Variants in CLVS1 observed in about 807,000 individuals in gnomAD.
CLVS1 encodes the protein clavesin 1, also known as clavesin-1.
CLVS1 carries 10 observed loss-of-function variants against 33.1 expected under a neutral mutation model. That is an observed-to-expected ratio of 0.30 (90% confidence interval 0.19 to 0.51). CLVS1 has a LOEUF of 0.51. Among genes scored for constraint, CLVS1 ranks in the 20% least tolerant of loss-of-function variants. CLVS1 has a pLI of 0.97. For missense variants in CLVS1, 343 were observed against 433.4 expected (o/e 0.79, Z 1.85); for synonymous variants, 163 against 166.1 (o/e 0.98, Z 0.14).
intron 5 of CLVS1, 91 bp from the exon 6 acceptor site, chr8:61,499,364 G>T: frequency 5.5e-6 from 3 of 541,576 alleles, no homozygotes; most frequent in Non-Finnish European, 9.7e-6. Context: ...CTATTAAAAA[G>T]AGAAATATAA....
chr8:61,334,422 C>T (rs774745643), intron 2 of CLVS1, among the ~76,000 whole-genome samples: 4 of 152,174 alleles, frequency 2.6e-5, no homozygotes, highest in African/African-American at 4.8e-5. Flanking sequence ...GCAAGAGGGC[C>T]TCTGTGTCTT....
intron 3 of CLVS1, among the ~76,000 whole-genome samples, chr8:61,382,053 C>T (rs539545989): frequency 2.0e-4 from 30 of 152,252 alleles, no homozygotes; most frequent in African/African-American, 6.5e-4. Flanking sequence ...CTCTGGCTTC[C>T]TTCCCACAGC....
At chr8:61,256,289 C>T (rs1384113548) in intron 2 of CLVS1, among the ~76,000 whole-genome samples, 2 of 152,276 alleles carry the variant, frequency 1.3e-5, no homozygotes, top group Non-Finnish European at 2.9e-5. Context: ...CCGAAGCGGG[C>T]AGATCACGAT....
At chr8:61,437,913 A>T (rs1816396280) in intron 3 of CLVS1, among the ~76,000 whole-genome samples, 1 of 152,246 alleles carries the variant, frequency 6.6e-6, no homozygotes, top group South Asian at 2.1e-4. Context: ...AATAGTACAG[A>T]AATATAGTAG....
At chr8:61,134,489 T>A (rs553409387) in intron 2 of CLVS1, among the ~76,000 whole-genome samples, 32 of 152,336 alleles carry the variant, frequency 2.1e-4, no homozygotes, top group Non-Finnish European at 4.3e-4. Context: ...TTTTATGAAA[T>A]CCAAATGTCA....
intron 3 of CLVS1, among the ~76,000 whole-genome samples, chr8:61,448,062 A>T (rs1490767907): frequency 6.6e-6 from 1 of 152,068 alleles, no homozygotes; most frequent in Non-Finnish European, 1.5e-5. Context: ...GTACCTGAAA[A>T]ATATTTTACA....
intron 2 of CLVS1, among the ~76,000 whole-genome samples, chr8:61,357,501 T>TTTTTTTTTTTTTTTTC (rs1812781393): frequency 1.0e-5 from 1 of 99,296 alleles, no homozygotes; most frequent in Admixed American, 1.1e-4. Context: ...TTTCTTTTTT[T>TTTTTTTTTTTTTTTTC]TTTTTTTTTT....
At chr8:61,261,695 C>T (rs896375387) in intron 2 of CLVS1, among the ~76,000 whole-genome samples, 7 of 152,090 alleles carry the variant, frequency 4.6e-5, no homozygotes, top group African/African-American at 1.7e-4. Context: ...TGTTAGAAAC[C>T]AGTTAGAAGG....
At chr8:61,013,239 G>A in the CLVS1 span, among the ~76,000 whole-genome samples, 2 of 152,164 alleles carry the variant, frequency 1.3e-5, no homozygotes, top group African/African-American at 4.8e-5. Context: ...ACGTTCCTGA[G>A]CCCCAACACA....
At chr8:61,213,852 T>C (rs1251312799) in intron 2 of CLVS1, among the ~76,000 whole-genome samples, 1 of 152,072 alleles carries the variant, frequency 6.6e-6, no homozygotes, top group Non-Finnish European at 1.5e-5. Context: ...GTGAGCCGGG[T>C]GGAACAGAGC....
rs572236352 is a variant in CLVS1, at chr8:61,075,221, G to A, written c.-243+17991G>A. Reference sequence around the variant, plus strand: ...GACGGTGGCAGGTGGCTATTTTCACGTAGCAGTCAGCAGCAAATGAAAGAG... The same window carrying A: ...GACGGTGGCAGGTGGCTATTTTCACATAGCAGTCAGCAGCAAATGAAAGAG... On this transcript the variant is annotated intron_variant, in intron 1 of 2. Coordinates refer to the CLVS1 transcript ENST00000522621. Among the ~76,000 whole-genome samples the A allele has an allele frequency of 1.3e-3, 204 of 152,262 alleles. 2 individuals are homozygous for A. The highest frequency in any genetic ancestry group is 4.6e-3 in the African/African-American group (191 of 41,554).
chr8:61,379,197 C>T (rs1444899038), intron 3 of CLVS1, among the ~76,000 whole-genome samples: 1 of 152,142 alleles, frequency 6.6e-6, no homozygotes, highest in African/African-American at 2.4e-5. Flanking sequence ...CTCTGCCATC[C>T]CGCCTTTTCT....
chr8:61,489,515 T>G (rs7016711), intron 5 of CLVS1, among the ~76,000 whole-genome samples: 1,605 of 152,322 alleles, frequency 0.011, 32 homozygotes, highest in African/African-American at 0.037. Flanking sequence ...AAGATTTATT[T>G]ATTGATTGAT....
chr8:61,406,057 A>G (rs1814973395), intron 3 of CLVS1, among the ~76,000 whole-genome samples: 1 of 152,210 alleles, frequency 6.6e-6, no homozygotes, highest in Non-Finnish European at 1.5e-5. Flanking sequence ...GGTCCACCTA[A>G]ATAATTCACA....
the CLVS1 span, among the ~76,000 whole-genome samples, chr8:61,020,588 C>G: frequency 6.6e-6 from 1 of 152,204 alleles, no homozygotes; most frequent in African/African-American, 2.4e-5. Context: ...TTCCTCTCAG[C>G]CCACAGATTT....
At chr8:61,168,431 A>G (rs1806925425) in intron 2 of CLVS1, among the ~76,000 whole-genome samples, 1 of 152,260 alleles carries the variant, frequency 6.6e-6, no homozygotes, top group African/African-American at 2.4e-5. Flanking sequence ...CAAGTATAAC[A>G]AAACTAATTT....
At chr8:61,342,742 C>T (rs918641716) in intron 2 of CLVS1, among the ~76,000 whole-genome samples, 4 of 152,152 alleles carry the variant, frequency 2.6e-5, no homozygotes, top group East Asian at 1.9e-4. Context: ...TAGAAAAGAA[C>T]TCTGGCATCC....
intron 3 of CLVS1, among the ~76,000 whole-genome samples, chr8:61,382,424 G>A (rs958405740): frequency 2.0e-5 from 3 of 152,070 alleles, no homozygotes; most frequent in Admixed American, 6.6e-5. Context: ...GTCAGTCTAG[G>A]GCCTTACTTC....
At chr8:60,990,029 G>T in the CLVS1 span, among the ~76,000 whole-genome samples, 11 of 150,600 alleles carry the variant, frequency 7.3e-5, no homozygotes, top group Admixed American at 4.7e-4. Context: ...GGAGGCTGAG[G>T]CAGGAGAATC....
Sources: gnomAD v4.1 joint callset for allele counts (sites outside exome capture counted in the v4.1 genomes callset) on GRCh38, gnomAD v4.1.1 for gene constraint, MANE v1.5 for transcripts, NCBI Gene and HGNC (gene_info 2026-07-23, HGNC 2026-07-21) for gene names.